ZIC2: variants seen among roughly 807,000 people sequenced by gnomAD.
The protein encoded by ZIC2 is Zic family zinc finger 2.
Under a neutral mutation model 29.5 loss-of-function variants are expected in ZIC2, and 7 were observed. That is an observed-to-expected ratio of 0.24 (90% CI 0.14 to 0.45). The LOEUF is 0.45. ZIC2 is among the 20% of genes least tolerant of loss of function. The pLI, the probability that ZIC2 is intolerant of heterozygous loss-of-function variation, is 1.00. For synonymous variants in ZIC2, 408 were observed against 354.2 expected (o/e 1.15, Z -1.70); for missense variants, 589 against 781.2 (o/e 0.75, Z 2.93).
In ZIC2 at chr13:99,983,256, G is replaced by T; in HGVS notation, c.1075+117G>T. 7.5e-7 allele frequency: 1 copy of T among 1,337,720 alleles called. No homozygotes were observed. The highest frequency in any genetic ancestry group is 1.4e-5 in the South Asian group (1 of 70,134). The allele number at this position is 1,337,720 out of a possible 1,614,324, so 82.9% of individuals were successfully genotyped here. On this transcript the variant is annotated intron_variant, in intron 1 of 2. Coordinates refer to ENST00000376335, the MANE Select transcript of ZIC2 (RefSeq NM_007129.5). This position sits in a 1 kb window ranked among gnomAD's most constrained non-coding sequence, Gnocchi z 4.7. ...GCCAGCCGGGGACCTGGGATGGGAG[G>T]TGTTTTTGCGTGTACGAAAGAGCCA...
rs1334337749 is a variant in ZIC2, at chr13:99,983,624, A to T, written c.1075+485A>T. On this transcript the variant is annotated intron_variant, in intron 1 of 2. Transcript: ENST00000376335. The surrounding 1 kb of genome is among the most constrained non-coding windows in gnomAD (Gnocchi z 4.7). Reference sequence around the variant, plus strand: ...TCCCGGGACTGTTTCCCATGAAATGAGTCTGGTGTGAGCCGAAGCTGTAAT... The same window carrying T: ...TCCCGGGACTGTTTCCCATGAAATGTGTCTGGTGTGAGCCGAAGCTGTAAT... Among the ~76,000 whole-genome samples, 1 of 151,694 alleles carries T rather than the reference A, an allele frequency of 6.6e-6. No individual in the cohort carries two copies. The highest frequency in any genetic ancestry group is 1.5e-5 in the Non-Finnish European group (1 of 67,982).
chr13:99,985,965 A>G lies in ZIC2; in HGVS notation c.*283A>G. 1 of 409,886 alleles carries G rather than the reference A, an allele frequency of 2.4e-6. No homozygotes were observed. The highest frequency in any genetic ancestry group is 4.7e-6 in the Non-Finnish European group (1 of 212,246). The allele number at this position is 409,886 out of a possible 1,614,324, so 25.4% of individuals were successfully genotyped here. On this transcript the variant is annotated 3_prime_UTR_variant, in exon 3 of 3. Transcript: ENST00000376335. This position sits in a 1 kb window ranked among gnomAD's most constrained non-coding sequence, Gnocchi z 6.3. ...AAAACCCACAAAAATGTTGAACCAA[A>G]CCTCCCTGCTAATCTCCATGCCCAC...
chr13:99,986,331 C>T lies in ZIC2; in HGVS notation c.*649C>T. 1 of 271,744 alleles carries T rather than the reference C, an allele frequency of 3.7e-6. No homozygotes were observed. Among genetic ancestry groups the T allele is most frequent in the East Asian group, 9.7e-5 (1 of 10,326 alleles). The allele number at this position is 271,744 out of a possible 1,614,324, so 16.8% of individuals were successfully genotyped here. A position where few individuals can be genotyped will look rare whatever the true frequency, so the allele number is the denominator to read the frequency against. ...GAAAAAATGAGCCGTGCCAAAGTCT[C>T]CCTTCTGTTTCTTCAGCACATTGAC... On this transcript the variant is annotated 3_prime_UTR_variant, in exon 3 of 3. Transcript: ENST00000376335.
rs1566404786 is a variant in ZIC2 at position 99,982,824 on chromosome 13, C to G, written c.760C>G (p.Gln254Glu). ...FRYMRQQCIK[Q>E]ELICKWIDPE... is the part of the protein sequence containing the mutation. Reference sequence around the variant, plus strand: ...CTATATGCGGCAGCAGTGCATCAAGCAGGAGCTAATCTGCAAGTGGATCGA... The same window carrying G: ...CTATATGCGGCAGCAGTGCATCAAGGAGGAGCTAATCTGCAAGTGGATCGA... The change falls in exon 1 of 3, where the codon CAG becomes GAG. Residue 254 changes from glutamine to glutamate, a missense_variant. Physicochemically the swap from Gln to Glu is conservative, Grantham distance 29. Coordinates refer to ENST00000376335, the MANE Select transcript of ZIC2 (RefSeq NM_007129.5). The G allele has an allele frequency of 6.2e-7, 1 of 1,612,384 alleles. No individual in the cohort carries two copies.
At position 99,982,068 on chromosome 13, in the gene ZIC2, C is replaced by T; in HGVS notation, c.4C>T (p.Leu2Phe). The T allele has an allele frequency of 8.0e-7, 1 of 1,243,260 alleles. No individual in the cohort carries two copies. Among genetic ancestry groups the T allele is most frequent in the Non-Finnish European group, 1.0e-6 (1 of 996,306 alleles). The allele number at this position is 1,243,260 out of a possible 1,614,324, so 77.0% of individuals were successfully genotyped here. A position where few individuals can be genotyped will look rare whatever the true frequency, so the allele number is the denominator to read the frequency against. ...GGGGCGGGCGGGCGCGCTGGCCATG[C>T]TCCTGGACGCGGGTCCGCAGTTCCC... The part of the protein sequence containing the change: M[L>F]LDAGPQFPAI... Residue 2 changes from leucine (L) to phenylalanine (F), a missense_variant, in exon 1 of 3, where the codon CTC becomes TTC. By Grantham distance (22) the Leu-to-Phe change is conservative. Around this residue, in one of 7 missense-constraint regions of ZIC2, gnomAD observed 358 missense variants for 382.0 expected, o/e 0.94. Coordinates refer to ENST00000376335, the MANE Select transcript of ZIC2 (RefSeq NM_007129.5).
chr13:99,982,095 G>C lies in ZIC2; in HGVS notation c.31G>C (p.Ala11Pro). 1 of 1,266,940 alleles carries C rather than the reference G, an allele frequency of 7.9e-7. No homozygotes were observed. The highest frequency in any genetic ancestry group is 9.9e-7 in the Non-Finnish European group (1 of 1,010,416). The allele number at this position is 1,266,940 out of a possible 1,614,324, so 78.5% of individuals were successfully genotyped here. A position where few individuals can be genotyped will look rare whatever the true frequency, so the allele number is the denominator to read the frequency against. MLLDAGPQFP[A>P]IGVGSFARHH... ...CCTGGACGCGGGTCCGCAGTTCCCG[G>C]CCATCGGGGTGGGCAGCTTCGCGCG... The change falls in exon 1 of 3, where the codon GCC becomes CCC. Residue 11 changes from alanine to proline, a missense_variant. Coordinates refer to ENST00000376335, the MANE Select transcript of ZIC2 (RefSeq NM_007129.5).
Position 99,982,173 on chromosome 13 carries a change from G to A in ZIC2, c.109G>A (p.Asp37Asn), listed in dbSNP as rs2152162223. Residue 37 changes from aspartate (D) to asparagine (N), a missense_variant, in exon 1 of 3, where the codon GAC (aspartate) becomes AAC (asparagine). Physicochemically the swap from Asp to Asn is conservative, Grantham distance 23. This residue lies in a region of ZIC2 where 358 missense variants were observed against 382.0 expected (regional missense o/e 0.94). Coordinates refer to ENST00000376335, the MANE Select transcript of ZIC2 (RefSeq NM_007129.5). The stretch of plus-strand genomic sequence containing the variant: ...GGCGGCGGCTGCCGCCGAGATGCAG[G>A]ACCGTGAACTGAGCCTGGCGGCGGC... ...AAAAAAAEMQ[D>N]RELSLAAAQN... 2.1e-6 allele frequency: 3 copies of A among 1,446,116 alleles called. No homozygotes were observed. The highest frequency in any genetic ancestry group is 2.7e-6 in the Non-Finnish European group (3 of 1,105,952). 89.6% of individuals were successfully genotyped at this position (1,446,116 alleles called of 1,614,324 possible). A position where few individuals can be genotyped will look rare whatever the true frequency, so the allele number is the denominator to read the frequency against.
In ZIC2 at chr13:99,985,236, G is replaced by T; in HGVS notation, c.1240-87G>T. The T allele has an allele frequency of 6.2e-7, 1 of 1,603,254 alleles. No homozygotes were observed. The highest frequency in any genetic ancestry group is 1.3e-5 in the African/African-American group (1 of 74,798). ...GGGCGGCGGGGGGAACATTTCTGGGGGTGCTCTCCCCCAGGGGCCCGGCCC... is the reference window on the plus strand; with the variant it reads ...GGGCGGCGGGGGGAACATTTCTGGGTGTGCTCTCCCCCAGGGGCCCGGCCC... On this transcript the variant is annotated intron_variant, in intron 2 of 2. Coordinates refer to ENST00000376335, the MANE Select transcript of ZIC2 (RefSeq NM_007129.5). The surrounding 1 kb of genome is among the most constrained non-coding windows in gnomAD (Gnocchi z 6.3).
In ZIC2 at chr13:99,986,084, G is replaced by T. The variant is rs900226537; in HGVS notation, c.*402G>T. On this transcript the variant is annotated 3_prime_UTR_variant, in exon 3 of 3. Coordinates refer to ENST00000376335, the MANE Select transcript of ZIC2 (RefSeq NM_007129.5). ...GAGGTGGTTTTAAAGGCTTTTTGGT[G>T]TATAGAAGTTTGTCCATTTGTAAAA... 1 of 454,638 alleles carries T rather than the reference G, an allele frequency of 2.2e-6. No individual in the cohort carries two copies. The highest frequency in any genetic ancestry group is 4.4e-6 in the Non-Finnish European group (1 of 226,622). The allele number at this position is 454,638 out of a possible 1,614,324, so 28.2% of individuals were successfully genotyped here.
In ZIC2 at chr13:99,982,826, G is replaced by C; in HGVS notation, c.762G>C (p.Gln254His). ...FRYMRQQCIK[Q>H]ELICKWIDPE... Reference sequence around the variant, plus strand: ...ATATGCGGCAGCAGTGCATCAAGCAGGAGCTAATCTGCAAGTGGATCGACC... The same window carrying C: ...ATATGCGGCAGCAGTGCATCAAGCACGAGCTAATCTGCAAGTGGATCGACC... The change falls in exon 1 of 3, where the codon CAG becomes CAC. Residue 254 changes from glutamine to histidine, a missense_variant. Gln to His is a conservative substitution (Grantham distance 24, BLOSUM62 0). Transcript: ENST00000376335. 1.2e-6 allele frequency: 2 copies of C among 1,612,840 alleles called. No individual in the cohort carries two copies. The highest frequency in any genetic ancestry group is 2.7e-5 in the African/African-American group (2 of 74,982).
In ZIC2 at chr13:99,985,313, T is replaced by G. The variant is rs567951541; in HGVS notation, c.1240-10T>G. Reference sequence around the variant, plus strand: ...CCCTCTGGTCCCCCCTCCCGGCTTTTGTCTTGCAGGTCCATGAGTCCTCCC... The same window carrying G: ...CCCTCTGGTCCCCCCTCCCGGCTTTGGTCTTGCAGGTCCATGAGTCCTCCC... On this transcript the variant is annotated splice_polypyrimidine_tract_variant and intron_variant, in intron 2 of 2. Transcript: ENST00000376335. The surrounding 1 kb of genome is among the most constrained non-coding windows in gnomAD (Gnocchi z 6.3). 3.8e-5 allele frequency: 60 copies of G among 1,598,580 alleles called. No individual in the cohort carries two copies. In the African/African-American group the frequency reaches 7.7e-4, roughly 21 times the overall value.
rs2053257052 is a variant in ZIC2, at chr13:99,985,097, G to A, written c.1227G>A (p.Arg409=). 3 of 1,614,060 alleles carry A rather than the reference G, an allele frequency of 1.9e-6. No homozygotes were observed. The highest frequency in any genetic ancestry group is 1.6e-4 in the Middle Eastern group (1 of 6,062). The change falls in exon 2 of 3, where the codon CGG becomes CGA. Residue 409 remains arginine (R), a synonymous_variant. Transcript: ENST00000376335. This position sits in a 1 kb window ranked among gnomAD's most constrained non-coding sequence, Gnocchi z 6.3. ...DKSYTHPSSL[R]KHMKVHESSP... is the part of the protein sequence containing the mutation. ...CCTACACGCACCCCAGCTCGCTGCGGAAGCACATGAAGGTACCACCGCGGC... is the reference window on the plus strand; with the variant it reads ...CCTACACGCACCCCAGCTCGCTGCGAAAGCACATGAAGGTACCACCGCGGC...
chr13:99,985,439 C>T lies in ZIC2; in HGVS notation c.1356C>T (p.Asn452=). 1 of 1,490,190 alleles carries T rather than the reference C, an allele frequency of 6.7e-7. No individual in the cohort carries two copies. Among genetic ancestry groups the T allele is most frequent in the Non-Finnish European group, 8.9e-7 (1 of 1,128,784 alleles). 92.3% of individuals were successfully genotyped at this position (1,490,190 alleles called of 1,614,324 possible). A position where few individuals can be genotyped will look rare whatever the true frequency, so the allele number is the denominator to read the frequency against. Residue 452 remains asparagine (N), a synonymous_variant, in exon 3 of 3, where the codon AAC becomes AAT. Transcript: ENST00000376335. The surrounding 1 kb of genome is among the most constrained non-coding windows in gnomAD (Gnocchi z 6.3). ...GCGCCGAGCCCCAGAGCAGCTCCAA[C>T]CTGTCCCCAGCGGCGGCGGCAGCGG... ...SPSAEPQSSS[N]LSPAAAAAAA... is the part of the protein sequence containing the mutation.
intron 1 of ZIC2, chr13:99,984,461 A>C: frequency 5.0e-6 from 1 of 198,668 alleles, no homozygotes; most frequent in Non-Finnish European, 1.1e-5. Flanking sequence ...GATGAAAAAT[A>C]CTGGCTCAGT....
rs2053238726 is a variant in ZIC2 at position 99,982,328 on chromosome 13, C to G, written c.264C>G (p.Ser88=). Residue 88 remains serine, a synonymous_variant, in exon 1 of 3, where the codon TCC becomes TCG. Coordinates refer to ENST00000376335, the MANE Select transcript of ZIC2 (RefSeq NM_007129.5). ...TSQGPGAYPG[S]AAAAAAAAAL... ...AGGGCCCCGGCGCCTACCCCGGCTC[C>G]GCTGCGGCTGCCGCTGCGGCCGCAG... 2 of 1,465,852 alleles carry G rather than the reference C, an allele frequency of 1.4e-6. No homozygotes were observed. The highest frequency in any genetic ancestry group is 1.8e-6 in the Non-Finnish European group (2 of 1,111,670). The allele number at this position is 1,465,852 out of a possible 1,614,324, so 90.8% of individuals were successfully genotyped here.
Position 99,982,638 on chromosome 13 carries a change from G to C in ZIC2, c.574G>C (p.Glu192Gln). ...GLPGEVFGRS[E>Q]QYRQVASPRT... The stretch of plus-strand genomic sequence containing the variant: ...GCCCGGCGAGGTGTTCGGGCGCTCG[G>C]AGCAATACCGCCAGGTGGCCAGCCC... The change falls in exon 1 of 3, where the codon GAG becomes CAG. Residue 192 changes from glutamate (E) to glutamine (Q), a missense_variant. Physicochemically the swap from Glu to Gln is conservative, Grantham distance 29. Coordinates refer to ENST00000376335, the MANE Select transcript of ZIC2 (RefSeq NM_007129.5). 6.3e-7 allele frequency: 1 copy of C among 1,597,730 alleles called. No homozygotes were observed. The highest frequency in any genetic ancestry group is 8.5e-7 in the Non-Finnish European group (1 of 1,178,560).
In ZIC2 at chr13:99,985,064, C is replaced by T; in HGVS notation, c.1194C>T (p.Cys398=). The part of the protein sequence containing the change: ...TSDKPYLCKM[C]DKSYTHPSSL... ...ATAAGCCCTATCTCTGCAAGATGTG[C>T]GACAAGTCCTACACGCACCCCAGCT... is the stretch of plus-strand genomic sequence containing the variant. Residue 398 remains cysteine, a synonymous_variant, in exon 2 of 3, where the codon TGC becomes TGT. Transcript: ENST00000376335. The surrounding 1 kb of genome is among the most constrained non-coding windows in gnomAD (Gnocchi z 6.3). The T allele has an allele frequency of 6.2e-7, 1 of 1,614,132 alleles. No individual in the cohort carries two copies. The highest frequency in any genetic ancestry group is 8.5e-7 in the Non-Finnish European group (1 of 1,179,982).
chr13:99,986,245 T>C lies in ZIC2; in HGVS notation c.*563T>C. 1 of 317,728 alleles carries C rather than the reference T, an allele frequency of 3.1e-6. No homozygotes were observed. Among genetic ancestry groups the C allele is most frequent in the Non-Finnish European group, 6.1e-6 (1 of 162,876 alleles). 19.7% of individuals were successfully genotyped at this position (317,728 alleles called of 1,614,324 possible). On this transcript the variant is annotated 3_prime_UTR_variant, in exon 3 of 3. Transcript: ENST00000376335. The stretch of plus-strand genomic sequence containing the variant: ...AATGGTTTATTTTGTATTGTGGTAT[T>C]GAATATTGTGTTCCTTTTTATGAGG...
chr13:99,982,103 G>A lies in ZIC2; in HGVS notation c.39G>A (p.Gly13=), dbSNP rs1594290388. 1 of 1,279,834 alleles carries A rather than the reference G, an allele frequency of 7.8e-7. No homozygotes were observed. The highest frequency in any genetic ancestry group is 3.2e-5 in the East Asian group (1 of 31,498). 79.3% of individuals were successfully genotyped at this position (1,279,834 alleles called of 1,614,324 possible). A position where few individuals can be genotyped will look rare whatever the true frequency, so the allele number is the denominator to read the frequency against. ...LDAGPQFPAI[G]VGSFARHHHH... ...CGGGTCCGCAGTTCCCGGCCATCGG[G>A]GTGGGCAGCTTCGCGCGCCACCATC... Residue 13 remains glycine (G), a synonymous_variant, in exon 1 of 3, where the codon GGG becomes GGA. Coordinates refer to ENST00000376335, the MANE Select transcript of ZIC2 (RefSeq NM_007129.5).
Sources: allele counts gnomAD v4.1 joint callset (sites outside exome capture counted in the v4.1 genomes callset), GRCh38; gene constraint gnomAD v4.1.1; regional missense constraint gnomAD v4.1.1; non-coding constraint Gnocchi (gnomAD v3.1); transcripts MANE v1.5; gene names NCBI Gene and HGNC (gene_info 2026-07-23, HGNC 2026-07-21).